The following EEF2K variants were observed in gnomAD, a reference collection of about 807,000 sequenced individuals.
EEF2K encodes the protein alternative protein EEF2K.
A neutral mutation model predicts 93.8 loss-of-function variants in EEF2K; 70 were observed. The ratio of observed to expected loss-of-function variants is 0.75; its 90% CI spans 0.62 to 0.91. The LOEUF is 0.91. Ranked by LOEUF, EEF2K falls within the 40% of genes least tolerant of loss-of-function variation. EEF2K has a pLI of 0.00. For synonymous variants in EEF2K, 376 were observed against 380.8 expected (o/e 0.99, Z 0.15); for missense variants, 935 against 972.9 (o/e 0.96, Z 0.52).
chr16:22,237,978 C>T (rs943730331), intron 2 of EEF2K, among the ~76,000 whole-genome samples: 3 of 151,968 alleles, frequency 2.0e-5, no homozygotes, highest in African/African-American at 4.8e-5. Flanking sequence ...CTTTTTTCCC[C>T]CCTAAACAAT....
At chr16:22,275,716 C>A (rs2047627834) in intron 16 of EEF2K, among the ~76,000 whole-genome samples, 1 of 151,774 alleles carries the variant, frequency 6.6e-6, no homozygotes, top group African/African-American at 2.4e-5. Context: ...TCTCGGCTCA[C>A]TGCAATCTCC....
Position 22,284,165 on chromosome 16 carries a change from G to A in EEF2K, c.*169G>A, listed in dbSNP as rs2047729155. Reference sequence around the variant, plus strand: ...CTCTTGAAAAATGTCTTTGCTCCTTGGCAGCTACCAGCAGAGACTCTATAG... The same window carrying A: ...CTCTTGAAAAATGTCTTTGCTCCTTAGCAGCTACCAGCAGAGACTCTATAG... On this transcript the variant is annotated 3_prime_UTR_variant, in exon 18 of 18. Coordinates refer to ENST00000263026, the MANE Select transcript of EEF2K (RefSeq NM_013302.5). The A allele has an allele frequency of 1.5e-6, 1 of 664,786 alleles. No homozygotes were observed. The highest frequency in any genetic ancestry group is 1.8e-5 in the African/African-American group (1 of 54,980). 41.2% of individuals were successfully genotyped at this position (664,786 alleles called of 1,614,324 possible).
At chr16:22,226,779 A>C (rs1024198106) in intron 2 of EEF2K, among the ~76,000 whole-genome samples, 5 of 152,274 alleles carry the variant, frequency 3.3e-5, no homozygotes, top group Admixed American at 6.5e-5. Context: ...GAATTTATTT[A>C]ACAACATAAT....
At chr16:22,257,859 G>C in intron 9 of EEF2K, 89 bp downstream of exon 9, 1 of 1,546,432 alleles carries the variant, frequency 6.5e-7, no homozygotes, top group South Asian at 1.2e-5. Flanking sequence ...TGACAGCCAG[G>C]TCAAGCAGTG....
At chr16:22,244,925 G>T (rs894437445) in intron 3 of EEF2K, among the ~76,000 whole-genome samples, 195 bp downstream of exon 3, 1 of 152,128 alleles carries the variant, frequency 6.6e-6, no homozygotes, top group Non-Finnish European at 1.5e-5. Context: ...TTCTCACAAG[G>T]TACCTATTAG....
chr16:22,206,458 C>T lies in EEF2K; in HGVS notation c.-298C>T, dbSNP rs2046862743. The T allele has an allele frequency of 6.6e-6, 1 of 152,460 alleles. No individual in the cohort carries two copies. The highest frequency in any genetic ancestry group is 2.1e-4 in the South Asian group (1 of 4,846). 9.4% of individuals were successfully genotyped at this position (152,460 alleles called of 1,614,324 possible). ...ACGGCCCCTGCGCCCTTCCTGGGAT[C>T]ACTCCGACTGCCCCGCGCGCCCTGG... On this transcript the variant is annotated 5_prime_UTR_variant, in exon 1 of 18. Coordinates refer to ENST00000263026, the MANE Select transcript of EEF2K (RefSeq NM_013302.5).
chr16:22,257,727 C>T lies in EEF2K; in HGVS notation c.986C>T (p.Ser329Leu), dbSNP rs780264247. The T allele has an allele frequency of 3.7e-5, 59 of 1,613,880 alleles. No individual in the cohort carries two copies. Among genetic ancestry groups the T allele is most frequent in the Middle Eastern group, 1.6e-4 (1 of 6,084 alleles). Residue 329 changes from serine to leucine, a missense_variant, in exon 9 of 18, where the codon TCG becomes TTG. Ser to Leu is a moderately radical substitution (Grantham distance 145, BLOSUM62 -2). Transcript: ENST00000263026. ...ESMGLAPFDL[S>L]PRERDAVNQN... Reference sequence around the variant, plus strand: ...ATGGGCCTTGCTCCCTTTGACCTCTCGCCCCGGGAGAGGGATGCAGTGAAT... The same window carrying T: ...ATGGGCCTTGCTCCCTTTGACCTCTTGCCCCGGGAGAGGGATGCAGTGAAT...
intron 1 of EEF2K, among the ~76,000 whole-genome samples, chr16:22,222,299 G>A (rs2047021452): frequency 6.6e-6 from 1 of 151,486 alleles, no homozygotes; most frequent in African/African-American, 2.4e-5. Context: ...TGAACCTCCT[G>A]GGCTCAAGTG....
intron 1 of EEF2K, among the ~76,000 whole-genome samples, chr16:22,217,482 C>G (rs536222336): frequency 6.6e-6 from 1 of 151,940 alleles, no homozygotes; most frequent in African/African-American, 2.4e-5. Context: ...CTCACTCTGT[C>G]GCCCAGGCTG....
Position 22,283,962 on chromosome 16 carries a change from A to G in EEF2K, c.2144A>G (p.Lys715Arg). 1 of 1,589,868 alleles carries G rather than the reference A, an allele frequency of 6.3e-7. No homozygotes were observed. The highest frequency in any genetic ancestry group is 2.3e-5 in the East Asian group (1 of 43,996). ...CGACTGGCCAACCAGTACTACCAAA[A>G]GGCTGAAGAGGCCTGGGCCCAGATG... is the stretch of plus-strand genomic sequence containing the variant. ...KGRLANQYYQ[K>R]AEEAWAQMEE is the part of the protein sequence containing the mutation. The change falls in exon 18 of 18, where the codon AAG becomes AGG. Residue 715 changes from lysine to arginine, a missense_variant. Physicochemically the swap from Lys to Arg is conservative, Grantham distance 26. Coordinates refer to ENST00000263026, the MANE Select transcript of EEF2K (RefSeq NM_013302.5).
intron 1 of EEF2K, among the ~76,000 whole-genome samples, chr16:22,222,561 A>G (rs1234089887): frequency 6.6e-6 from 1 of 151,490 alleles, no homozygotes; most frequent in East Asian, 1.9e-4. Context: ...ATACCTTACA[A>G]TCTGCTCATT....
At chr16:22,250,052 G>A (rs2047333699) in intron 4 of EEF2K, among the ~76,000 whole-genome samples, 1 of 151,936 alleles carries the variant, frequency 6.6e-6, no homozygotes, top group African/African-American at 2.4e-5. Flanking sequence ...AAAGTGCTGG[G>A]ATTACAGGCA....
At chr16:22,233,014 G>A (rs2047131139) in intron 2 of EEF2K, among the ~76,000 whole-genome samples, 1 of 152,152 alleles carries the variant, frequency 6.6e-6, no homozygotes, top group Non-Finnish European at 1.5e-5. Context: ...TCGCTGTCAA[G>A]CCCAGCCTTC....
At chr16:22,269,371 G>A (rs993626413) in intron 15 of EEF2K, among the ~76,000 whole-genome samples, 1 of 151,980 alleles carries the variant, frequency 6.6e-6, no homozygotes, top group African/African-American at 2.4e-5. Context: ...ATAGGATTTA[G>A]GGCCCACCTA....
Position 22,257,341 on chromosome 16 carries a change from A to G in EEF2K, c.857A>G (p.Gln286Arg). The G allele has an allele frequency of 9.3e-6, 15 of 1,613,852 alleles. No homozygotes were observed. The highest frequency in any genetic ancestry group is 1.3e-5 in the Non-Finnish European group (15 of 1,179,966). Reference sequence around the variant, plus strand: ...GTTGGGGATCTCTACACTGACCCACAGATCCACACGGAGACGGGCACTGAC... The same window carrying G: ...GTTGGGGATCTCTACACTGACCCACGGATCCACACGGAGACGGGCACTGAC... ...QGVGDLYTDP[Q>R]IHTETGTDFG... The change falls in exon 8 of 18, where the codon CAG becomes CGG. Residue 286 changes from glutamine (Q) to arginine (R), a missense_variant. Coordinates refer to ENST00000263026, the MANE Select transcript of EEF2K (RefSeq NM_013302.5).
At chr16:22,243,978 A>G (rs2047254913) in intron 2 of EEF2K, among the ~76,000 whole-genome samples, 1 of 149,784 alleles carries the variant, frequency 6.7e-6, no homozygotes, top group African/African-American at 2.5e-5. Flanking sequence ...CTGTAATGTC[A>G]GCACTTTGGG....
intron 13 of EEF2K, among the ~76,000 whole-genome samples, chr16:22,266,112 C>T (rs1465096844): frequency 2.6e-5 from 4 of 152,004 alleles, no homozygotes; most frequent in Non-Finnish European, 1.5e-5. Context: ...GTCCCAGCTA[C>T]TCGGGAAGCT....
chr16:22,229,291 C>CT (rs1457008572), intron 2 of EEF2K, among the ~76,000 whole-genome samples: 1 of 152,208 alleles, frequency 6.6e-6, no homozygotes, highest in South Asian at 2.1e-4. Context: ...TGTGATCCTT[C>CT]ATGTTGGTTA....
At chr16:22,283,594 A>T (rs2047719699) in intron 17 of EEF2K, among the ~76,000 whole-genome samples, 1 of 151,944 alleles carries the variant, frequency 6.6e-6, no homozygotes, top group South Asian at 2.1e-4. Context: ...TCATCTACAT[A>T]CCCCAAACCA....
Sources: allele counts gnomAD v4.1 joint callset (sites outside exome capture counted in the v4.1 genomes callset), GRCh38; gene constraint gnomAD v4.1.1; transcripts MANE v1.5; gene names NCBI Gene and HGNC (gene_info 2026-07-23, HGNC 2026-07-21).